Variants in CD5L observed in about 807,000 individuals in gnomAD.
CD5L encodes the protein CD5 molecule like.
In CD5L, 39 loss-of-function variants were observed where a neutral mutation model predicts 40.8. The observed-to-expected ratio is 0.96, with a 90% CI of 0.74 to 1.25. The LOEUF (loss-of-function observed/expected upper bound fraction) is 1.25. CD5L is among the 50% of genes most tolerant of loss of function. The pLI is 0.00. For synonymous variants in CD5L, 192 were observed against 169.6 expected (o/e 1.13, Z -1.03); for missense variants, 433 against 435.9 (o/e 0.99, Z 0.06).
chr1:157,829,121 C>T (rs541424045), downstream of CD5L, among the ~76,000 whole-genome samples: 25 of 152,280 alleles, frequency 1.6e-4, no homozygotes, highest in South Asian at 2.3e-3. Context: ...GCCCATGTGA[C>T]GGCAATGGGT....
At chr1:157,829,240 A>G (rs537204630), downstream of CD5L, among the ~76,000 whole-genome samples, 83 of 152,380 alleles carry the variant, frequency 5.4e-4, 1 homozygote, top group Non-Finnish European at 8.2e-4. Flanking sequence ...CTCATGTGCA[A>G]TGAGAAGCTC....
In CD5L at chr1:157,835,905, T is replaced by C; in HGVS notation, c.306A>G (p.Thr102=). The change falls in exon 3 of 6, where the codon ACA becomes ACG. Residue 102 remains threonine (T), a synonymous_variant. Coordinates refer to ENST00000368174, the MANE Select transcript of CD5L (RefSeq NM_005894.3). ...QSVSCTGTED[T]LAQCEQEEVY... is the part of the protein sequence containing the mutation. ...CTTCTTCTTGCTCACACTGAGCCAA[T>C]GTATCTTCTGTTCCTGTGCAACTGA... 1.2e-6 allele frequency: 2 copies of C among 1,614,192 alleles called. No homozygotes were observed. Among genetic ancestry groups the C allele is most frequent in the Non-Finnish European group, 1.7e-6 (2 of 1,180,014 alleles).
At chr1:157,832,307 T>C (rs1003336402) in intron 5 of CD5L, among the ~76,000 whole-genome samples, 3 of 152,234 alleles carry the variant, frequency 2.0e-5, no homozygotes, top group Non-Finnish European at 4.4e-5. Context: ...TGACTAACAT[T>C]ACACAGCTTC....
chr1:157,827,371 G>A (rs1038515069), downstream of CD5L, among the ~76,000 whole-genome samples: 1 of 151,886 alleles, frequency 6.6e-6, no homozygotes, highest in Non-Finnish European at 1.5e-5. Flanking sequence ...TCTGCTGTGT[G>A]CAATGTGGAG....
chr1:157,833,760 A>G (rs923199475), intron 4 of CD5L, among the ~76,000 whole-genome samples: 24 of 147,560 alleles, frequency 1.6e-4, no homozygotes, highest in Non-Finnish European at 3.3e-4. Context: ...TGCATGCCAC[A>G]AAGCTCAGCT....
At chr1:157,829,129 G>C (rs1655978022), downstream of CD5L, among the ~76,000 whole-genome samples, 3 of 152,298 alleles carry the variant, frequency 2.0e-5, no homozygotes, top group South Asian at 6.2e-4. Context: ...GACGGCAATG[G>C]GTTGTTAGAG....
downstream of CD5L, among the ~76,000 whole-genome samples, chr1:157,827,308 GTGTGTT>G (rs1655927149): frequency 9.5e-6 from 1 of 105,650 alleles, no homozygotes; most frequent in South Asian, 3.0e-4. Context: ...GTGTGTGTGT[GTGTGTT>G]ATAATGTATT....
chr1:157,840,575 T>C (rs1272104065), intron 1 of CD5L, among the ~76,000 whole-genome samples: 2 of 152,240 alleles, frequency 1.3e-5, no homozygotes, highest in Admixed American at 1.3e-4. Flanking sequence ...TGAGGCCTTT[T>C]CTGCAACTAT....
chr1:157,835,860 A>T lies in CD5L; in HGVS notation c.351T>A (p.Asp117Glu), dbSNP rs11537583. 0.03 allele frequency: 48,378 copies of T among 1,613,560 alleles called. 3,577 individuals are homozygous for T. The highest frequency in any genetic ancestry group is 0.21 in the Admixed American group (12,661 of 60,004). ...TCTCACACGATGCCCCAGCATCTTC[A>T]TCATGTGAACAATCATAAACTTCTT... is the stretch of plus-strand genomic sequence containing the variant. ...EQEEVYDCSH[D>E]EDAGASCENP... Residue 117 changes from aspartate (D) to glutamate (E), a missense_variant, in exon 3 of 6, where the codon GAT (aspartate) becomes GAA (glutamate). By Grantham distance (45) the Asp-to-Glu change is conservative. Coordinates refer to ENST00000368174, the MANE Select transcript of CD5L (RefSeq NM_005894.3).
chr1:157,835,922 T>C lies in CD5L; in HGVS notation c.289A>G (p.Thr97Ala). 6.2e-7 allele frequency: 1 copy of C among 1,614,210 alleles called. No homozygotes were observed. The highest frequency in any genetic ancestry group is 8.5e-7 in the Non-Finnish European group (1 of 1,180,024). ...QKVLIQSVSC[T>A]GTEDTLAQCE... Reference sequence around the variant, plus strand: ...TGAGCCAATGTATCTTCTGTTCCTGTGCAACTGACTGATTGGATGAGGACC... The same window carrying C: ...TGAGCCAATGTATCTTCTGTTCCTGCGCAACTGACTGATTGGATGAGGACC... Residue 97 changes from threonine (T) to alanine (A), a missense_variant, in exon 3 of 6, where the codon ACA (threonine) becomes GCA (alanine). Coordinates refer to ENST00000368174, the MANE Select transcript of CD5L (RefSeq NM_005894.3).
chr1:157,837,644 A>T (rs1479215188), intron 2 of CD5L, among the ~76,000 whole-genome samples: 1 of 152,206 alleles, frequency 6.6e-6, no homozygotes, highest in Non-Finnish European at 1.5e-5. Context: ...GGTTGCATGC[A>T]TGGATAGAAC....
chr1:157,833,545 G>C (rs752313645), intron 4 of CD5L, 33 bp from the exon 5 acceptor site: 1 of 1,497,906 alleles, frequency 6.7e-7, no homozygotes, highest in African/African-American at 1.4e-5. Context: ...AGGGGTTGGA[G>C]ACAGGAAGGG....
chr1:157,827,268 ATGTGTGTGTGTGTGTGTGTGTG>A (rs4060881), downstream of CD5L, among the ~76,000 whole-genome samples: 3 of 143,414 alleles, frequency 2.1e-5, no homozygotes, highest in South Asian at 2.3e-4. Context: ...CAAATGGTGT[ATGTGTGTGTGTGTGTGTGTGTG>A]TGTGTGTGTG....
At chr1:157,835,661 T>A (rs1656190029) in intron 3 of CD5L, among the ~76,000 whole-genome samples, 174 bp downstream of exon 3, 1 of 152,208 alleles carries the variant, frequency 6.6e-6, no homozygotes, top group African/African-American at 2.4e-5. Context: ...ATTGCAGTTC[T>A]AGGTGAGGAT....
At chr1:157,838,112 T>A (rs1048080502) in intron 2 of CD5L, among the ~76,000 whole-genome samples, 2 of 152,198 alleles carry the variant, frequency 1.3e-5, no homozygotes, top group African/African-American at 2.4e-5. Flanking sequence ...AGGAAGCTTA[T>A]GTTTATTTCA....
chr1:157,828,548 T>C (rs1043004227), downstream of CD5L, among the ~76,000 whole-genome samples: 3 of 152,172 alleles, frequency 2.0e-5, no homozygotes, highest in African/African-American at 7.2e-5. Flanking sequence ...GGTAGATAAA[T>C]ACTTCAGCTT....
intron 1 of CD5L, among the ~76,000 whole-genome samples, chr1:157,840,329 T>C (rs1244400533): frequency 6.6e-6 from 1 of 152,162 alleles, no homozygotes; most frequent in Non-Finnish European, 1.5e-5. Context: ...CTGGGCCCTG[T>C]AACCTCCAGG....
intron 3 of CD5L, 48 bp downstream of exon 3, chr1:157,835,787 G>T: frequency 6.7e-7 from 1 of 1,489,982 alleles, no homozygotes; most frequent in South Asian, 1.2e-5. Context: ...GAGTGGCCGT[G>T]AGGGGTATGG....
intron 3 of CD5L, among the ~76,000 whole-genome samples, chr1:157,835,394 G>A (rs1403658148): frequency 6.6e-6 from 1 of 152,192 alleles, no homozygotes; most frequent in Non-Finnish European, 1.5e-5. Flanking sequence ...ATTAGATTGT[G>A]TTAGTTTCCT....
Sources: allele counts gnomAD v4.1 joint callset (sites outside exome capture counted in the v4.1 genomes callset), GRCh38; gene constraint gnomAD v4.1.1; transcripts MANE v1.5; gene names NCBI Gene and HGNC (gene_info 2026-07-23, HGNC 2026-07-21).